Variants in LRRFIP1 observed in about 807,000 individuals in gnomAD.
LRRFIP1 encodes the protein LRR binding FLII interacting protein 1.
Under a neutral mutation model 104.4 loss-of-function variants are expected in LRRFIP1, and 62 were observed. The observed-to-expected ratio is 0.59, with a 90% confidence interval of 0.48 to 0.73. The LOEUF (loss-of-function observed/expected upper bound fraction) is 0.73. LRRFIP1 is among the 30% of genes least tolerant of loss of function. LRRFIP1 has a pLI of 0.00. For synonymous variants in LRRFIP1, 300 were observed against 299.0 expected (o/e 1.00, Z -0.03); for missense variants, 796 against 824.5 (o/e 0.97, Z 0.42).
At chr2:237,664,787 TC>T (rs1306231049) in intron 1 of LRRFIP1, among the ~76,000 whole-genome samples, 2 of 152,216 alleles carry the variant, frequency 1.3e-5, no homozygotes, top group East Asian at 3.8e-4. Context: ...GCAATCATCT[TC>T]CTACTCATCT....
Position 237,643,128 on chromosome 2 carries a change from G to A in LRRFIP1, c.96+15388G>A, listed in dbSNP as rs150092404. On this transcript the variant is annotated intron_variant, in intron 1 of 23. Coordinates refer to ENST00000308482, the MANE Select transcript of LRRFIP1 (RefSeq NM_001137550.2). ...TTTAAAATAAATTCTTAAACACTCA[G>A]ATGTTTCAGGCTAGTTTGTAGCTGC... Among the ~76,000 whole-genome samples, 30 of 152,388 alleles carry A rather than the reference G, an allele frequency of 2.0e-4. No individual in the cohort carries two copies. In the East Asian group the frequency reaches 5.6e-3, roughly 28 times the overall value.
At chr2:237,673,544 T>A (rs2090663630) in intron 1 of LRRFIP1, among the ~76,000 whole-genome samples, 1 of 152,156 alleles carries the variant, frequency 6.6e-6, no homozygotes. Context: ...CCTCGCTGGG[T>A]GTGCGGTTGT....
At chr2:237,685,003 C>T (rs1009989616) in intron 1 of LRRFIP1, among the ~76,000 whole-genome samples, 1 of 151,750 alleles carries the variant, frequency 6.6e-6, no homozygotes, top group African/African-American at 2.4e-5. Context: ...GGGAGGATAG[C>T]TTGAGACAAG....
intron 5 of LRRFIP1, among the ~76,000 whole-genome samples, chr2:237,719,857 A>G (rs1575797002): frequency 6.6e-6 from 1 of 151,928 alleles, no homozygotes; most frequent in Non-Finnish European, 1.5e-5. Flanking sequence ...TTGAATACCC[A>G]TAAATAATCT....
At chr2:237,773,411 G>C (rs1040804838) in intron 22 of LRRFIP1, among the ~76,000 whole-genome samples, 20 of 152,028 alleles carry the variant, frequency 1.3e-4, no homozygotes, top group African/African-American at 4.6e-4. Context: ...GGTGGCAGGC[G>C]CCTGTAATCT....
chr2:237,658,691 C>T (rs1056860896), intron 1 of LRRFIP1, among the ~76,000 whole-genome samples: 2 of 152,098 alleles, frequency 1.3e-5, no homozygotes, highest in East Asian at 1.9e-4. Context: ...GGAGGAGTGC[C>T]GAGTGAAGGA....
At chr2:237,692,296 G>A in intron 1 of LRRFIP1, 1 of 1,196,402 alleles carries the variant, frequency 8.4e-7, no homozygotes, top group African/African-American at 1.6e-5. Context: ...GCCGCTCCCC[G>A]GCGGGCTGGC....
intron 1 of LRRFIP1, chr2:237,692,125 G>A (rs2092824273): frequency 5.6e-6 from 5 of 890,020 alleles, no homozygotes; most frequent in Admixed American, 6.9e-5. Context: ...TAGCCGGGAG[G>A]GCCCCTCCGA....
intron 11 of LRRFIP1, among the ~76,000 whole-genome samples, chr2:237,746,542 T>C (rs2057889546): frequency 6.6e-6 from 1 of 152,196 alleles, no homozygotes; most frequent in Admixed American, 6.5e-5. Flanking sequence ...CATCGGAGTC[T>C]GCCTTGGTAC....
chr2:237,708,418 T>C (rs1364094496), intron 1 of LRRFIP1, 126 bp from the exon 2 acceptor site: 3 of 662,152 alleles, frequency 4.5e-6, no homozygotes, highest in Admixed American at 6.0e-5. Context: ...TCTATGAATC[T>C]GGAATTTATT....
intron 1 of LRRFIP1, among the ~76,000 whole-genome samples, chr2:237,628,668 T>C (rs6431550): frequency 0.45 from 68,132 of 151,998 alleles, 15,507 homozygotes; most frequent in African/African-American, 0.47. Context: ...TAACCCGCCT[T>C]ACAGGTTCTT....
intron 11 of LRRFIP1, among the ~76,000 whole-genome samples, chr2:237,741,357 C>T (rs1040476286): frequency 2.0e-5 from 3 of 152,194 alleles, no homozygotes; most frequent in Admixed American, 6.5e-5. Flanking sequence ...GCCTGGCCAG[C>T]CCCCAAGGCT....
chr2:237,699,217 A>C (rs369671149), intron 1 of LRRFIP1, among the ~76,000 whole-genome samples: 7 of 152,140 alleles, frequency 4.6e-5, no homozygotes, highest in African/African-American at 1.7e-4. Flanking sequence ...ATCTTCCTTC[A>C]ATTTCCATGT....
chr2:237,756,202 C>T lies in LRRFIP1; in HGVS notation c.1131+15C>T, dbSNP rs1391710980. On this transcript the variant is annotated intron_variant, in intron 16 of 23. Transcript: ENST00000308482. ...AAATGCTCGAGGTAGGTAGCATTCT[C>T]CTGCTTTTCTTTTCCTTTTTTCCCT... 1 of 1,598,538 alleles carries T rather than the reference C, an allele frequency of 6.3e-7. No individual in the cohort carries two copies. The highest frequency in any genetic ancestry group is 2.2e-5 in the East Asian group (1 of 44,686).
chr2:237,743,415 CTT>C (rs1037478766), intron 11 of LRRFIP1, among the ~76,000 whole-genome samples: 6 of 152,180 alleles, frequency 3.9e-5, no homozygotes, highest in Admixed American at 6.5e-5. Context: ...AGGGACAAGA[CTT>C]CAAGTTTTCT....
At chr2:237,637,166 G>A (rs1004602794) in intron 1 of LRRFIP1, among the ~76,000 whole-genome samples, 11 of 152,216 alleles carry the variant, frequency 7.2e-5, no homozygotes, top group African/African-American at 2.7e-4. Context: ...GATTTTCATA[G>A]CTTCAGGCAT....
intron 1 of LRRFIP1, among the ~76,000 whole-genome samples, chr2:237,701,107 G>A (rs2149893940): frequency 6.6e-6 from 1 of 152,320 alleles, no homozygotes; most frequent in Non-Finnish European, 1.5e-5. Flanking sequence ...TATGAGCAGT[G>A]CCAGGATCCC....
At chr2:237,630,504 A>T (rs1443861803) in intron 1 of LRRFIP1, among the ~76,000 whole-genome samples, 1 of 152,210 alleles carries the variant, frequency 6.6e-6, no homozygotes, top group Non-Finnish European at 1.5e-5. Flanking sequence ...AAGGGATCTG[A>T]TATAAAAAGG....
intron 1 of LRRFIP1, among the ~76,000 whole-genome samples, chr2:237,636,088 ACT>A (rs1297407540): frequency 7.7e-6 from 1 of 129,504 alleles, no homozygotes; most frequent in Non-Finnish European, 1.7e-5. Flanking sequence ...ACAGAGCAAA[ACT>A]CTGTCTCAAA....
Sources: gnomAD v4.1 joint callset for allele counts (sites outside exome capture counted in the v4.1 genomes callset) on GRCh38, gnomAD v4.1.1 for gene constraint, MANE v1.5 for transcripts, NCBI Gene and HGNC (gene_info 2026-07-23, HGNC 2026-07-21) for gene names.